DCLK1: variants seen among roughly 807,000 people sequenced by gnomAD.
The protein encoded by DCLK1 is serine/threonine-protein kinase DCLK1.
DCLK1 carries 16 observed loss-of-function variants against 86.2 expected under a neutral mutation model. The ratio of observed to expected loss-of-function variants is 0.19; its 90% CI spans 0.13 to 0.28. The LOEUF (loss-of-function observed/expected upper bound fraction) is 0.28. DCLK1 is among the 10% of genes least tolerant of loss of function. DCLK1 has a pLI of 1.00. For synonymous variants in DCLK1, 369 were observed against 370.5 expected (o/e 1.00, Z 0.05); for missense variants, 590 against 940.2 (o/e 0.63, Z 4.87).
chr13:35,895,976 C>G (rs1231910557), intron 4 of DCLK1, among the ~76,000 whole-genome samples: 8 of 151,700 alleles, frequency 5.3e-5, no homozygotes, highest in African/African-American at 1.9e-4. Flanking sequence ...AAAACTCTCT[C>G]TAACAAAAAT....
intron 3 of DCLK1, among the ~76,000 whole-genome samples, chr13:36,036,043 G>T (rs1882475321): frequency 6.6e-6 from 1 of 152,106 alleles, no homozygotes; most frequent in Non-Finnish European, 1.5e-5. Flanking sequence ...AGCTAAAACA[G>T]AGGCAGAAGC....
At chr13:36,092,672 G>A (rs1884876371) in intron 3 of DCLK1, among the ~76,000 whole-genome samples, 1 of 151,646 alleles carries the variant, frequency 6.6e-6, no homozygotes, top group Admixed American at 6.6e-5. Flanking sequence ...ATTTTTAGTA[G>A]AGACAGGGTT....
At chr13:35,886,942 A>C (rs1379644965) in intron 4 of DCLK1, among the ~76,000 whole-genome samples, 1 of 152,206 alleles carries the variant, frequency 6.6e-6, no homozygotes, top group East Asian at 1.9e-4. Context: ...AGTAGATTCT[A>C]AGCTTCCCCA....
chr13:36,126,163 GC>G lies in DCLK1; in HGVS notation c.-19-8del. On this transcript the variant is annotated splice_region_variant and splice_polypyrimidine_tract_variant and intron_variant, in intron 1 of 16. Coordinates refer to ENST00000360631, the MANE Select transcript of DCLK1 (RefSeq NM_001330071.2). Reference sequence around the variant, plus strand: ...GATGGACTTCAAGTAGGACCTACGAGCCCCAGAAACAAAAGCAGACACACAT... The same window carrying G: ...GATGGACTTCAAGTAGGACCTACGAGCCCAGAAACAAAAGCAGACACACAT... 6.5e-7 allele frequency: 1 copy of G among 1,542,992 alleles called. No individual in the cohort carries two copies.
chr13:35,915,320 T>G (rs565030833), intron 4 of DCLK1, among the ~76,000 whole-genome samples: 16 of 152,314 alleles, frequency 1.1e-4, no homozygotes, highest in Admixed American at 4.6e-4. Context: ...TCCCTTTAAA[T>G]CATAGCACCC....
intron 3 of DCLK1, among the ~76,000 whole-genome samples, chr13:36,049,362 G>A (rs1231366691): frequency 1.3e-5 from 2 of 152,128 alleles, no homozygotes; most frequent in Non-Finnish European, 2.9e-5. Context: ...ATATCTGAAA[G>A]CCTCTAACAT....
chr13:35,883,321 A>G (rs1414986431), intron 4 of DCLK1, among the ~76,000 whole-genome samples: 1 of 152,092 alleles, frequency 6.6e-6, no homozygotes, highest in Non-Finnish European at 1.5e-5. Flanking sequence ...TGAGGTAATG[A>G]GTGTGTTCTC....
Position 36,112,139 on chromosome 13 carries a change from C to T in DCLK1, c.453G>A (p.Ser151=), listed in dbSNP as rs775336522. ...AAGCCGAGGTGGTCTTGACGTTCAC[C>T]GACCAGTTGGGGTTCACATTCTTGG... ...EYTKNVNPNW[S]VNVKTTSASR... The change falls in exon 3 of 17, where the codon TCG becomes TCA. Residue 151 remains serine (S), a synonymous_variant. Transcript: ENST00000360631. The T allele has an allele frequency of 6.2e-6, 10 of 1,613,196 alleles. No individual in the cohort carries two copies. Among genetic ancestry groups the T allele is most frequent in the South Asian group, 4.4e-5 (4 of 91,062 alleles).
chr13:36,114,162 T>C (rs531070631), intron 2 of DCLK1, among the ~76,000 whole-genome samples: 7 of 152,344 alleles, frequency 4.6e-5, no homozygotes, highest in African/African-American at 1.7e-4. Context: ...TTAAAGAACA[T>C]AGCAACATGG....
chr13:35,985,747 C>T (rs1289649504), intron 3 of DCLK1, among the ~76,000 whole-genome samples: 1 of 152,176 alleles, frequency 6.6e-6, no homozygotes, highest in African/African-American at 2.4e-5. Flanking sequence ...GCCCTTTTTC[C>T]TTTGCTTTCC....
At chr13:35,838,452 T>C (rs533210342) in intron 7 of DCLK1, among the ~76,000 whole-genome samples, 27 of 152,218 alleles carry the variant, frequency 1.8e-4, no homozygotes, top group African/African-American at 5.5e-4. Context: ...AGGAAGGAAA[T>C]AGGTGTGATT....
intron 15 of DCLK1, chr13:35,805,230 G>A (rs2087000717): frequency 1.3e-5 from 2 of 154,420 alleles, no homozygotes; most frequent in African/African-American, 4.8e-5. Flanking sequence ...ATGCCCTCGT[G>A]GAACAAGTAT....
At chr13:35,872,925 C>A (rs190941163) in intron 4 of DCLK1, among the ~76,000 whole-genome samples, 27 of 152,242 alleles carry the variant, frequency 1.8e-4, no homozygotes, top group Admixed American at 1.0e-3. Context: ...TTATAATCAT[C>A]TTTCTTGGTC....
chr13:36,045,708 CAGG>C (rs1882887107), intron 3 of DCLK1, among the ~76,000 whole-genome samples: 2 of 151,776 alleles, frequency 1.3e-5, no homozygotes. Context: ...AAAGATTAGC[CAGG>C]TGTGGTGGTG....
chr13:35,809,023 G>T lies in DCLK1; in HGVS notation c.1761C>A (p.Phe587Leu), dbSNP rs1192882931. 6.2e-7 allele frequency: 1 copy of T among 1,611,190 alleles called. No individual in the cohort carries two copies. Among genetic ancestry groups the T allele is most frequent in the Non-Finnish European group, 8.5e-7 (1 of 1,178,162 alleles). The change falls in exon 13 of 17, where the codon TTC becomes TTA. Residue 587 changes from phenylalanine to leucine, a missense_variant. Coordinates refer to ENST00000360631, the MANE Select transcript of DCLK1 (RefSeq NM_001330071.2). ...TYILLCGFPP[F>L]RGSGDDQEVL... ...TAAAAGATTGTTGCCCATACCCACG[G>T]AATGGAGGGAAACCACACAGCAGGA...
At chr13:35,896,294 T>C (rs992214099) in intron 4 of DCLK1, among the ~76,000 whole-genome samples, 2 of 152,078 alleles carry the variant, frequency 1.3e-5, no homozygotes, top group Non-Finnish European at 2.9e-5. Flanking sequence ...ATCCTAGCAC[T>C]TTGGGAGGCC....
At chr13:36,078,263 T>C (rs1291381715) in intron 3 of DCLK1, among the ~76,000 whole-genome samples, 1 of 152,162 alleles carries the variant, frequency 6.6e-6, no homozygotes, top group Non-Finnish European at 1.5e-5. Context: ...ATGAGAAACA[T>C]ATGTTTGCTG....
intron 3 of DCLK1, among the ~76,000 whole-genome samples, chr13:36,073,435 T>G (rs746766604): frequency 6.6e-6 from 1 of 152,122 alleles, no homozygotes. Context: ...ATAACGAATA[T>G]GAGGTTCAGA....
chr13:35,808,988 C>G, intron 13 of DCLK1, 30 bp downstream of exon 13: 1 of 1,593,852 alleles, frequency 6.3e-7, no homozygotes, highest in Non-Finnish European at 8.6e-7. Flanking sequence ...AATGCTTTGT[C>G]GGCGCTGAAT....
Sources: allele counts gnomAD v4.1 joint callset (sites outside exome capture counted in the v4.1 genomes callset), GRCh38; gene constraint gnomAD v4.1.1; transcripts MANE v1.5; gene names NCBI Gene and HGNC (gene_info 2026-07-23, HGNC 2026-07-21).